LNX1: variants seen among roughly 807,000 people sequenced by gnomAD.
The protein encoded by LNX1 is E3 ubiquitin-protein ligase LNX.
Under a neutral mutation model 68.4 loss-of-function variants are expected in LNX1, and 54 were observed. The ratio of observed to expected loss-of-function variants is 0.79; its 90% CI spans 0.63 to 0.99. The LOEUF is 0.99. Ranked by LOEUF, LNX1 falls within the 50% of genes least tolerant of loss-of-function variation. The pLI is 0.00. For missense variants in LNX1, 906 were observed against 926.4 expected (o/e 0.98, Z 0.29); for synonymous variants, 336 against 350.0 (o/e 0.96, Z 0.45).
intron 6 of LNX1, among the ~76,000 whole-genome samples, chr4:53,495,212 C>G (rs576579789): frequency 1.6e-3 from 237 of 152,142 alleles, no homozygotes; most frequent in Admixed American, 2.7e-3. Flanking sequence ...TGATAATTAT[C>G]TCAAAATACG....
chr4:53,470,010 A>G (rs1365730142), intron 9 of LNX1, among the ~76,000 whole-genome samples: 4 of 152,230 alleles, frequency 2.6e-5, no homozygotes, highest in Non-Finnish European at 4.4e-5. Flanking sequence ...CATTATCCTG[A>G]TAACAAAGCC....
intron 9 of LNX1, among the ~76,000 whole-genome samples, chr4:53,469,642 A>C (rs9995952): frequency 0.096 from 14,561 of 152,216 alleles, 1,206 homozygotes; most frequent in South Asian, 0.28. Flanking sequence ...GATGCAATAA[A>C]AAATGACAAA....
intron 6 of LNX1, among the ~76,000 whole-genome samples, chr4:53,492,506 T>TGAGAGAGAGAGAGAGAGAGAGA (rs58715153): frequency 0.027 from 2,386 of 88,884 alleles, 330 homozygotes; most frequent in Non-Finnish European, 0.038. Flanking sequence ...CAGAGGGCTC[T>TGAGAGAGAGAGAGAGAGAGAGA]GAGAGAGAGA....
intron 2 of LNX1, among the ~76,000 whole-genome samples, chr4:53,542,342 T>C (rs963108961): frequency 5.9e-5 from 9 of 152,136 alleles, no homozygotes; most frequent in African/African-American, 2.2e-4. Flanking sequence ...TACAAAGGGA[T>C]GGGGTAGGGG....
intron 2 of LNX1, among the ~76,000 whole-genome samples, chr4:53,520,295 C>G (rs1727119226): frequency 6.6e-6 from 1 of 152,176 alleles, no homozygotes; most frequent in Admixed American, 6.5e-5. Context: ...GAGCTGATAG[C>G]CTGGAGTGCC....
chr4:53,566,016 G>A (rs1405396374), intron 2 of LNX1, among the ~76,000 whole-genome samples: 14 of 151,618 alleles, frequency 9.2e-5, no homozygotes, highest in African/African-American at 2.7e-4. Flanking sequence ...CCAAATCTAC[G>A]TCTGATTGGT....
upstream of LNX1, among the ~76,000 whole-genome samples, chr4:53,593,361 G>C (rs1447967052): frequency 1.3e-5 from 2 of 152,234 alleles, no homozygotes; most frequent in African/African-American, 2.4e-5. Flanking sequence ...TTCGGTTCAA[G>C]GCCTTGGGTG....
In LNX1 at chr4:53,496,068, A is replaced by G. The variant is rs1459451134; in HGVS notation, c.1305T>C (p.His435=). 6 of 1,614,132 alleles carry G rather than the reference A, an allele frequency of 3.7e-6. No individual in the cohort carries two copies. The highest frequency in any genetic ancestry group is 5.1e-6 in the Non-Finnish European group (6 of 1,179,998). ...ENDRVLAING[H]DLRYGSPESA... ...TTTCTGGGCTGCCATATCGAAGATC[A>G]TGTCCATTGATGGCTAACACACGGT... is the stretch of plus-strand genomic sequence containing the variant. The change falls in exon 6 of 11, where the codon CAT becomes CAC. Residue 435 remains histidine (H), a synonymous_variant. Transcript: ENST00000263925.
chr4:53,505,241 G>A (rs1432416587), intron 4 of LNX1, among the ~76,000 whole-genome samples: 1 of 150,666 alleles, frequency 6.6e-6, no homozygotes, highest in Non-Finnish European at 1.5e-5. Context: ...TAATAAATAT[G>A]CAAATAAATC....
intron 6 of LNX1, among the ~76,000 whole-genome samples, chr4:53,493,817 G>T (rs1272937828): frequency 3.9e-5 from 6 of 152,156 alleles, no homozygotes; most frequent in African/African-American, 7.2e-5. Context: ...GCTTCTTAAG[G>T]CCGCTGGATC....
intron 2 of LNX1, among the ~76,000 whole-genome samples, chr4:53,609,382 C>A (rs1269964972): frequency 6.6e-6 from 1 of 151,146 alleles, no homozygotes; most frequent in Admixed American, 6.6e-5. Context: ...AGTACCAGAA[C>A]AATATGTTTT....
chr4:53,544,706 C>T (rs1728984068), intron 2 of LNX1, among the ~76,000 whole-genome samples: 1 of 152,206 alleles, frequency 6.6e-6, no homozygotes, highest in South Asian at 2.1e-4. Flanking sequence ...CTGGCTTGTA[C>T]AGTAGCAGAG....
intron 6 of LNX1, among the ~76,000 whole-genome samples, chr4:53,490,250 A>C (rs1724589436): frequency 6.6e-6 from 1 of 152,156 alleles, no homozygotes; most frequent in Non-Finnish European, 1.5e-5. Context: ...TTGCCTATGG[A>C]AAAAAGGCTT....
chr4:53,563,415 C>T (rs780163944), intron 2 of LNX1, among the ~76,000 whole-genome samples: 1 of 152,194 alleles, frequency 6.6e-6, no homozygotes, highest in Non-Finnish European at 1.5e-5. Context: ...GAGGTATTAA[C>T]TACTTCTTAA....
intron 2 of LNX1, among the ~76,000 whole-genome samples, chr4:53,527,433 C>T (rs1295858459): frequency 2.6e-5 from 4 of 152,130 alleles, no homozygotes; most frequent in Admixed American, 2.6e-4. Flanking sequence ...TGCATGAATT[C>T]CCCCACACCC....
At chr4:53,575,877 G>T (rs1035384053) in intron 1 of LNX1, 146 of 1,584,470 alleles carry the variant, frequency 9.2e-5, no homozygotes, top group Non-Finnish European at 1.1e-4. Flanking sequence ...TGAAGTTTGT[G>T]GTCAGCAGCC....
intron 9 of LNX1, among the ~76,000 whole-genome samples, chr4:53,468,737 CAAAG>C (rs1722898329): frequency 6.6e-6 from 1 of 152,104 alleles, no homozygotes; most frequent in Admixed American, 6.5e-5. Context: ...TCAAAAGAGA[CAAAG>C]AAGGCCACTA....
chr4:53,586,666 CAG>C (rs1330768177), intron 1 of LNX1, among the ~76,000 whole-genome samples: 2 of 152,172 alleles, frequency 1.3e-5, no homozygotes, highest in Non-Finnish European at 2.9e-5. Context: ...CTTTCTAGAG[CAG>C]AGAGAAGTTC....
intron 1 of LNX1, among the ~76,000 whole-genome samples, chr4:53,634,696 A>T (rs1260384068): frequency 6.6e-6 from 1 of 152,024 alleles, no homozygotes; most frequent in Non-Finnish European, 1.5e-5. Context: ...CCAGCCTCAC[A>T]GTTGAATGTA....
Sources: allele counts gnomAD v4.1 joint callset (sites outside exome capture counted in the v4.1 genomes callset), GRCh38; gene constraint gnomAD v4.1.1; transcripts MANE v1.5; gene names NCBI Gene and HGNC (gene_info 2026-07-23, HGNC 2026-07-21).